The following NLRX1 variants were observed in gnomAD, a reference collection of about 807,000 sequenced individuals.
NLRX1 encodes NLR family member X1, also known as NOD-like receptor X1.
In NLRX1, 67 loss-of-function variants were observed where a neutral mutation model predicts 74.2. That is an observed-to-expected ratio of 0.90 (90% confidence interval 0.74 to 1.11). NLRX1 has a LOEUF of 1.11. Ranked by LOEUF, NLRX1 falls within the 50% of genes least tolerant of loss-of-function variation. NLRX1 has a pLI of 0.00. For synonymous variants in NLRX1, 506 were observed against 559.1 expected (o/e 0.91, Z 1.34); for missense variants, 1,191 against 1,305.4 (o/e 0.91, Z 1.35).
Position 119,174,345 on chromosome 11 carries a change from C to T in NLRX1, c.850-108C>T. On this transcript the variant is annotated intron_variant, in intron 5 of 9. Coordinates refer to ENST00000409109, the MANE Select transcript of NLRX1 (RefSeq NM_001282144.2). ...AATTGCTAGTTATAACTGTTATCCT[C>T]ATCAATGTCTTCATCCTTGGACACT... 2.5e-6 allele frequency: 3 copies of T among 1,194,752 alleles called. No individual in the cohort carries two copies. In the South Asian group the frequency reaches 4.3e-5, roughly 17 times the overall value. 74.0% of individuals were successfully genotyped at this position (1,194,752 alleles called of 1,614,324 possible). A position where few individuals can be genotyped will look rare whatever the true frequency, so the allele number is the denominator to read the frequency against.
rs747725598 is a variant in NLRX1, at chr11:119,183,823, G to A, written c.*384G>A. ...ACATCTTATGTCTGCCATGCCAGGG[G>A]TGTCGCCATCCAGATGTGTTGGAAG... On this transcript the variant is annotated 3_prime_UTR_variant, in exon 10 of 10. Coordinates refer to ENST00000409109, the MANE Select transcript of NLRX1 (RefSeq NM_001282144.2). The surrounding 1 kb of genome is among the most constrained non-coding windows in gnomAD (Gnocchi z 5.7). 2 of 780,680 alleles carry A rather than the reference G, an allele frequency of 2.6e-6. No homozygotes were observed. Among genetic ancestry groups the A allele is most frequent in the African/African-American group, 1.7e-5 (1 of 59,134 alleles). 48.4% of individuals were successfully genotyped at this position (780,680 alleles called of 1,614,324 possible). A position where few individuals can be genotyped will look rare whatever the true frequency, so the allele number is the denominator to read the frequency against.
rs1450133962 is a variant in NLRX1, at chr11:119,172,384, G to T, written c.99G>T (p.Trp33Cys). The T allele has an allele frequency of 6.2e-7, 1 of 1,613,782 alleles. No individual in the cohort carries two copies. The highest frequency in any genetic ancestry group is 1.3e-5 in the African/African-American group (1 of 74,916). Residue 33 changes from tryptophan (W) to cysteine (C), a missense_variant, in exon 3 of 10, where the codon TGG becomes TGT. Transcript: ENST00000409109. The stretch of plus-strand genomic sequence containing the variant: ...ATCGTATCCCCTTCCTGATCCACTG[G>T]AGTTGGCCCCTTCAAGGGGAGCGTC... ...PDDRIPFLIHWSWPLQGERPF... is the reference protein window; with the variant it reads ...PDDRIPFLIHCSWPLQGERPF...
Position 119,172,439 on chromosome 11 carries a change from G to A in NLRX1, c.140+14G>A, listed in dbSNP as rs552852958. ...TGGGCCCCCTAGGTGAGGCCTGGGT[G>A]TCATACCTTAGGACTAGTCTGGGCA... On this transcript the variant is annotated intron_variant, in intron 3 of 9. Coordinates refer to ENST00000409109, the MANE Select transcript of NLRX1 (RefSeq NM_001282144.2). The A allele has an allele frequency of 1.9e-6, 3 of 1,595,442 alleles. No homozygotes were observed. In the African/African-American group the frequency reaches 4.0e-5, roughly 21 times the overall value.
chr11:119,179,770 T>C lies in NLRX1; in HGVS notation c.1749T>C (p.Phe583=), dbSNP rs1948784565. Residue 583 remains phenylalanine (F), a synonymous_variant, in exon 7 of 10, where the codon TTT becomes TTC. Transcript: ENST00000409109. ...CTCAGGCCATGGTGCTGGAGATGTT[T>C]CGAGAGGAGGACTACTACAACGATG... ...AVAQAMVLEM[F]REEDYYNDDV... 6.2e-7 allele frequency: 1 copy of C among 1,614,040 alleles called. No homozygotes were observed. Among genetic ancestry groups the C allele is most frequent in the Non-Finnish European group, 8.5e-7 (1 of 1,180,038 alleles).
chr11:119,179,655 T>C (rs1948780082), intron 6 of NLRX1, 38 bp from the exon 7 acceptor site: 4 of 1,546,454 alleles, frequency 2.6e-6, no homozygotes, highest in Non-Finnish European at 2.6e-6. Context: ...AACAGGCACA[T>C]GGAAGGCCAC....
At position 119,182,263 on chromosome 11, in the gene NLRX1, G is replaced by A. The variant is rs763810590; in HGVS notation, c.2524G>A (p.Val842Met). ...CAACCGGCAGCTGCAGGAGCTGAACGTGGCGTACAACGGTGCTGGTGACAC... is the reference window on the plus strand; with the variant it reads ...CAACCGGCAGCTGCAGGAGCTGAACATGGCGTACAACGGTGCTGGTGACAC... ...DRNRQLQELN[V>M]AYNGAGDTAA... is the part of the protein sequence containing the mutation. Residue 842 changes from valine (V) to methionine (M), a missense_variant, in exon 9 of 10, where the codon GTG becomes ATG. Coordinates refer to ENST00000409109, the MANE Select transcript of NLRX1 (RefSeq NM_001282144.2). The A allele has an allele frequency of 9.3e-6, 15 of 1,613,818 alleles. No individual in the cohort carries two copies. Among genetic ancestry groups the A allele is most frequent in the East Asian group, 2.2e-5 (1 of 44,886 alleles).
In NLRX1 at chr11:119,172,828, G is replaced by C. The variant is rs1219972995; in HGVS notation, c.141-73G>C. ...ACCAGAAGTCTAGCAGTGCAGATAG[G>C]CTTGGACCCAGAGCCTGTGAAGGGG... On this transcript the variant is annotated intron_variant, in intron 3 of 9. Coordinates refer to ENST00000409109, the MANE Select transcript of NLRX1 (RefSeq NM_001282144.2). 24 of 1,111,602 alleles carry C rather than the reference G, an allele frequency of 2.2e-5. No individual in the cohort carries two copies. In the Admixed American group the frequency reaches 3.9e-4, roughly 18 times the overall value. 68.9% of individuals were successfully genotyped at this position (1,111,602 alleles called of 1,614,324 possible). A position where few individuals can be genotyped will look rare whatever the true frequency, so the allele number is the denominator to read the frequency against.
At chr11:119,179,671 C>G in intron 6 of NLRX1, 22 bp from the exon 7 acceptor site, 1 of 1,573,970 alleles carries the variant, frequency 6.4e-7, no homozygotes, top group East Asian at 2.3e-5. Context: ...GCCACAGTGA[C>G]TCTCCCCTGC....
chr11:119,183,069 T>C lies in NLRX1; in HGVS notation c.2607-49T>C. On this transcript the variant is annotated intron_variant, in intron 9 of 9. Coordinates refer to ENST00000409109, the MANE Select transcript of NLRX1 (RefSeq NM_001282144.2). This position sits in a 1 kb window ranked among gnomAD's most constrained non-coding sequence, Gnocchi z 5.7. ...TTTCCATCCATCTACCCTCGGGCCC[T>C]CCTTCTCAGAGCTCTACTGAATGGC... 1 of 1,551,460 alleles carries C rather than the reference T, an allele frequency of 6.4e-7. No homozygotes were observed. Among genetic ancestry groups the C allele is most frequent in the East Asian group, 2.3e-5 (1 of 43,818 alleles).
chr11:119,173,486 A>G lies in NLRX1; in HGVS notation c.237A>G (p.Ile79Met), dbSNP rs1363182383. Reference sequence around the variant, plus strand: ...CCTTATCTTCCCACTCAGAAGCTATACAGCGGCACCGCCGGAACCTGGCTG... The same window carrying G: ...CCTTATCTTCCCACTCAGAAGCTATGCAGCGGCACCGCCGGAACCTGGCTG... ...LFPSASATEA[I>M]QRHRRNLAEW... is the part of the protein sequence containing the mutation. The change falls in exon 5 of 10, where the codon ATA becomes ATG. Residue 79 changes from isoleucine to methionine, a missense_variant. Coordinates refer to ENST00000409109, the MANE Select transcript of NLRX1 (RefSeq NM_001282144.2). This position sits in a 1 kb window ranked among gnomAD's most constrained non-coding sequence, Gnocchi z 4.0. 1.9e-6 allele frequency: 3 copies of G among 1,613,098 alleles called. No homozygotes were observed. The Admixed American group carries it at 5.0e-5, about 27-fold the overall frequency.
In NLRX1 at chr11:119,183,049, A is replaced by G. The variant is rs2135198797; in HGVS notation, c.2607-69A>G. 1 of 1,412,946 alleles carries G rather than the reference A, an allele frequency of 7.1e-7. No homozygotes were observed. Among genetic ancestry groups the G allele is most frequent in the Non-Finnish European group, 9.6e-7 (1 of 1,036,954 alleles). The allele number at this position is 1,412,946 out of a possible 1,614,324, so 87.5% of individuals were successfully genotyped here. On this transcript the variant is annotated intron_variant, in intron 9 of 9. Transcript: ENST00000409109. The surrounding 1 kb of genome is among the most constrained non-coding windows in gnomAD (Gnocchi z 5.7). ...GAGTTGTGAGGCCCCCTGACTTTCC[A>G]TCCATCTACCCTCGGGCCCTCCTTC...
Position 119,173,502 on chromosome 11 carries a change from A to G in NLRX1, c.253A>G (p.Asn85Asp). 1.2e-6 allele frequency: 2 copies of G among 1,613,940 alleles called. No individual in the cohort carries two copies. Among genetic ancestry groups the G allele is most frequent in the East Asian group, 4.5e-5 (2 of 44,872 alleles). Residue 85 changes from asparagine to aspartate, a missense_variant, in exon 5 of 10, where the codon AAC becomes GAC. Coordinates refer to ENST00000409109, the MANE Select transcript of NLRX1 (RefSeq NM_001282144.2). The surrounding 1 kb of genome is among the most constrained non-coding windows in gnomAD (Gnocchi z 4.0). ...AGAAGCTATACAGCGGCACCGCCGG[A>G]ACCTGGCTGAGTGGTTCAGCCGGCT... is the stretch of plus-strand genomic sequence containing the variant. Reference protein sequence around the residue: ...ATEAIQRHRRNLAEWFSRLPR... With the variant: ...ATEAIQRHRRDLAEWFSRLPR...
Position 119,175,003 on chromosome 11 carries a change from A to T in NLRX1, c.1400A>T (p.His467Leu). 1.2e-6 allele frequency: 2 copies of T among 1,614,094 alleles called. No individual in the cohort carries two copies. Among genetic ancestry groups the T allele is most frequent in the South Asian group, 1.1e-5 (1 of 91,086 alleles). ...IRTEEEFQLL[H>L]IFRRDALRFF... ...ACGGAGGAGGAGTTTCAGCTGCTGC[A>T]CATCTTCCGTCGGGATGCCCTGAGG... Residue 467 changes from histidine (H) to leucine (L), a missense_variant, in exon 6 of 10, where the codon CAC becomes CTC. By Grantham distance (99) the His-to-Leu change is moderately conservative. Coordinates refer to ENST00000409109, the MANE Select transcript of NLRX1 (RefSeq NM_001282144.2).
intron 1 of NLRX1, among the ~76,000 whole-genome samples, chr11:119,170,420 G>A (rs1948513060): frequency 6.6e-6 from 1 of 152,186 alleles, no homozygotes; most frequent in African/African-American, 2.4e-5. Context: ...GGTTTCTAAT[G>A]TAAGGCGTGG....
At chr11:119,175,524 G>A (rs937519526) in intron 6 of NLRX1, among the ~76,000 whole-genome samples, 1 of 152,142 alleles carries the variant, frequency 6.6e-6, no homozygotes, top group Non-Finnish European at 1.5e-5. Context: ...AGGGAACCTG[G>A]GGACGTGGGG....
chr11:119,178,430 T>A (rs1948750031), intron 6 of NLRX1, among the ~76,000 whole-genome samples: 1 of 152,228 alleles, frequency 6.6e-6, no homozygotes, highest in South Asian at 2.1e-4. Flanking sequence ...CTTTCTGATC[T>A]AGTCTGAGCT....
At position 119,183,102 on chromosome 11, in the gene NLRX1, T is replaced by G; in HGVS notation, c.2607-16T>G. ...AGAGCTCTACTGAATGGCATCGACT[T>G]TCTCTCTCCTGCCAGCCTCTACTTC... is the stretch of plus-strand genomic sequence containing the variant. On this transcript the variant is annotated splice_polypyrimidine_tract_variant and intron_variant, in intron 9 of 9. Transcript: ENST00000409109. The surrounding 1 kb of genome is among the most constrained non-coding windows in gnomAD (Gnocchi z 5.7). 7 of 1,612,096 alleles carry G rather than the reference T, an allele frequency of 4.3e-6. No homozygotes were observed. The highest frequency in any genetic ancestry group is 5.1e-6 in the Non-Finnish European group (6 of 1,179,010).
In NLRX1 at chr11:119,173,983, A is replaced by C. The variant is rs993860774; in HGVS notation, c.734A>C (p.Glu245Ala). The C allele has an allele frequency of 4.3e-5, 69 of 1,613,916 alleles. No individual in the cohort carries two copies. Among genetic ancestry groups the C allele is most frequent in the Non-Finnish European group, 5.7e-5 (67 of 1,180,018 alleles). ...SHLLFVLHGL[E>A]HLNLDFRLAG... ...CTCCTCTTTGTGCTCCATGGCTTAG[A>C]GCATCTCAACCTCGACTTCCGGCTG... Residue 245 changes from glutamate to alanine, a missense_variant, in exon 5 of 10, where the codon GAG becomes GCG. Coordinates refer to ENST00000409109, the MANE Select transcript of NLRX1 (RefSeq NM_001282144.2). The surrounding 1 kb of genome is among the most constrained non-coding windows in gnomAD (Gnocchi z 4.0).
Position 119,171,342 on chromosome 11 carries a change from T to C in NLRX1, c.-48-14T>C, listed in dbSNP as rs1948542124. On this transcript the variant is annotated splice_polypyrimidine_tract_variant and intron_variant, in intron 1 of 9. Coordinates refer to ENST00000409109, the MANE Select transcript of NLRX1 (RefSeq NM_001282144.2). Reference sequence around the variant, plus strand: ...AGTGGTGGCAGTGATCCATTCGTACTATTCTTCTTGCAGGACAGAAGTCGG... The same window carrying C: ...AGTGGTGGCAGTGATCCATTCGTACCATTCTTCTTGCAGGACAGAAGTCGG... 4 of 1,591,468 alleles carry C rather than the reference T, an allele frequency of 2.5e-6. No homozygotes were observed. In the Admixed American group the frequency reaches 6.8e-5, roughly 27 times the overall value.
Sources: gnomAD v4.1 joint callset for allele counts (sites outside exome capture counted in the v4.1 genomes callset) on GRCh38, gnomAD v4.1.1 for gene constraint, Gnocchi (gnomAD v3.1) non-coding constraint, MANE v1.5 for transcripts, NCBI Gene and HGNC (gene_info 2026-07-23, HGNC 2026-07-21) for gene names.